RUFY1: variants seen among roughly 807,000 people sequenced by gnomAD.
RUFY1 encodes the protein RUN and FYVE domain-containing protein 1.
Under a neutral mutation model 94.6 loss-of-function variants are expected in RUFY1, and 54 were observed. The observed-to-expected ratio is 0.57, with a 90% CI of 0.46 to 0.72. The LOEUF (loss-of-function observed/expected upper bound fraction) is 0.72, where lower values mean the gene tolerates loss of function less well. Ranked by LOEUF, RUFY1 falls within the 30% of genes least tolerant of loss-of-function variation. The probability of loss-of-function intolerance (pLI) is 0.00; values close to 1 mark genes in which losing one functional copy is unlikely to be tolerated. For synonymous variants in RUFY1, 396 were observed against 347.3 expected, an observed-to-expected ratio of 1.14 and a Z score of -1.56; for missense variants, 883 against 883.9, an observed-to-expected ratio of 1.00 and a Z score of 0.01.
chr5:179,565,443 T>G (rs1762771461), intron 3 of RUFY1, among the ~76,000 whole-genome samples: 1 of 152,174 alleles, frequency 6.6e-6, no homozygotes, highest in Non-Finnish European at 1.5e-5. Flanking sequence ...CCTCCCAAAG[T>G]GCTGGGATTA....
intron 2 of RUFY1, among the ~76,000 whole-genome samples, chr5:179,561,721 C>T (rs1312539897): frequency 8.9e-6 from 1 of 111,972 alleles, no homozygotes; most frequent in African/African-American, 3.5e-5. Context: ...CTCGCTCTGT[C>T]CCCCAGGCTG....
At chr5:179,584,597 CAT>C (rs1764447381) in intron 7 of RUFY1, among the ~76,000 whole-genome samples, 1 of 151,630 alleles carries the variant, frequency 6.6e-6, no homozygotes, top group Non-Finnish European at 1.5e-5. Context: ...GTCTGGGTGA[CAT>C]AGTGAAACCT....
At chr5:179,605,608 A>G (rs937217191) in intron 15 of RUFY1, among the ~76,000 whole-genome samples, 7 of 152,004 alleles carry the variant, frequency 4.6e-5, no homozygotes. Flanking sequence ...GCCTCCCTCA[A>G]AGTCTTTTTG....
At chr5:179,578,895 C>T (rs1290400598) in intron 6 of RUFY1, among the ~76,000 whole-genome samples, 1 of 152,148 alleles carries the variant, frequency 6.6e-6, no homozygotes, top group Non-Finnish European at 1.5e-5. Flanking sequence ...CCGCCTGCCT[C>T]AGCCTCCCAA....
chr5:179,589,493 GA>G (rs1330447752), intron 8 of RUFY1, 52 bp from the exon 9 acceptor site: 7 of 1,136,050 alleles, frequency 6.2e-6, no homozygotes, highest in African/African-American at 1.5e-5. Context: ...TTTTTAATTT[GA>G]ACAATAAGAT....
chr5:179,607,024 A>G (rs13179100), intron 16 of RUFY1: 12,056 of 154,326 alleles, frequency 0.078, 509 homozygotes, highest in Middle Eastern at 0.11. Context: ...AATGGAGTCC[A>G]TGTGCTCCCC....
intron 16 of RUFY1, chr5:179,606,719 T>C (rs764343769): frequency 6.6e-5 from 10 of 152,168 alleles, no homozygotes; most frequent in Non-Finnish European, 1.3e-4. Context: ...CATCAGAGGA[T>C]AGAAATCATA....
At chr5:179,604,036 A>G (rs57785769) in intron 15 of RUFY1, among the ~76,000 whole-genome samples, 24,061 of 152,246 alleles carry the variant, frequency 0.16, 2,023 homozygotes, top group South Asian at 0.22. Context: ...CAGCCTGGGC[A>G]ATAAGAGTGA....
chr5:179,564,354 A>G (rs896868158), intron 3 of RUFY1, among the ~76,000 whole-genome samples: 1 of 150,700 alleles, frequency 6.6e-6, no homozygotes, highest in African/African-American at 2.4e-5. Context: ...TCCTGACCTC[A>G]GGTGATCCAT....
At chr5:179,570,960 ATG>A (rs200858819) in intron 5 of RUFY1, among the ~76,000 whole-genome samples, 1 of 152,076 alleles carries the variant, frequency 6.6e-6, no homozygotes, top group South Asian at 2.1e-4. Context: ...GTGTGCATGC[ATG>A]TGTGTGTGTA....
At chr5:179,596,861 C>A in intron 13 of RUFY1, 180 bp downstream of exon 13, 1 of 765,720 alleles carries the variant, frequency 1.3e-6, no homozygotes, top group African/African-American at 1.8e-5. Flanking sequence ...GAGCTCCCTC[C>A]CCACAGGGCT....
intron 8 of RUFY1, among the ~76,000 whole-genome samples, chr5:179,588,031 G>A (rs547135371): frequency 1.1e-4 from 16 of 152,256 alleles, no homozygotes; most frequent in East Asian, 3.9e-4. Flanking sequence ...AATGAAAAGC[G>A]TAGCCCTCTT....
At chr5:179,572,119 T>C in intron 5 of RUFY1, 1 of 196,976 alleles carries the variant, frequency 5.1e-6, no homozygotes, top group South Asian at 7.1e-5. Context: ...CGTCTGGTTG[T>C]CAGTCTGTCC....
At chr5:179,551,784 A>G (rs1288091488) in intron 1 of RUFY1, among the ~76,000 whole-genome samples, 2 of 150,178 alleles carry the variant, frequency 1.3e-5, no homozygotes, top group African/African-American at 4.9e-5. Context: ...AAGTACTGGG[A>G]CTACAGGCTT....
At chr5:179,551,853 C>A (rs935847115) in intron 1 of RUFY1, among the ~76,000 whole-genome samples, 9 of 149,248 alleles carry the variant, frequency 6.0e-5, no homozygotes, top group African/African-American at 1.7e-4. Flanking sequence ...AAATTCAGTA[C>A]TTTTAAATTG....
At chr5:179,562,694 T>C in intron 3 of RUFY1, 30 bp downstream of exon 3, 1 of 1,199,684 alleles carries the variant, frequency 8.3e-7, no homozygotes, top group Admixed American at 1.8e-5. Context: ...GCCAATTTGA[T>C]GATTTTAAAA....
intron 5 of RUFY1, among the ~76,000 whole-genome samples, chr5:179,575,314 G>A (rs1763535081): frequency 6.6e-6 from 1 of 152,060 alleles, no homozygotes; most frequent in Admixed American, 6.6e-5. Context: ...TGATGGCTGG[G>A]GCTGAAATCA....
chr5:179,583,477 C>A (rs1247106827), intron 7 of RUFY1, among the ~76,000 whole-genome samples: 1 of 148,334 alleles, frequency 6.7e-6, no homozygotes, highest in Non-Finnish European at 1.5e-5. Context: ...AGTGCAGTAG[C>A]GCGATCTCGG....
At chr5:179,606,855 C>T (rs1767138806) in intron 16 of RUFY1, 3 of 152,460 alleles carry the variant, frequency 2.0e-5, no homozygotes, top group Admixed American at 2.0e-4. Context: ...GCAAGAAAAT[C>T]TTGTCCAGCA....
Sources: allele counts gnomAD v4.1 joint callset (sites outside exome capture counted in the v4.1 genomes callset), GRCh38; gene constraint gnomAD v4.1.1; transcripts MANE v1.5; gene names NCBI Gene and HGNC (gene_info 2026-07-23, HGNC 2026-07-21).